VTI1A: variants seen among roughly 807,000 people sequenced by gnomAD.
VTI1A encodes the protein vesicle transport through interaction with t-SNAREs homolog 1A.
VTI1A carries 22 observed loss-of-function variants against 34.9 expected under a neutral mutation model. The ratio of observed to expected loss-of-function variants is 0.63; its 90% CI spans 0.45 to 0.90. VTI1A has a LOEUF of 0.90. Ranked by LOEUF, VTI1A falls within the 40% of genes least tolerant of loss-of-function variation. The pLI is 0.00. For synonymous variants in VTI1A, 87 were observed against 97.3 expected, an observed-to-expected ratio of 0.89 and a Z score of 0.62; for missense variants, 268 against 275.6, an observed-to-expected ratio of 0.97 and a Z score of 0.20.
At chr10:112,832,517 A>C in the VTI1A span, 1 of 152,406 alleles carries the variant, frequency 6.6e-6, no homozygotes, top group South Asian at 2.1e-4. Flanking sequence ...CATCCACATC[A>C]GACTTACTTC....
intron 4 of VTI1A, among the ~76,000 whole-genome samples, chr10:112,536,630 T>C (rs924724665): frequency 6.6e-6 from 1 of 152,002 alleles, no homozygotes; most frequent in East Asian, 1.9e-4. Flanking sequence ...TCTCTTAATA[T>C]CTCTGCTGTA....
chr10:112,814,636 G>A (rs879065409), intron 7 of VTI1A, among the ~76,000 whole-genome samples: 1 of 152,168 alleles, frequency 6.6e-6, no homozygotes, highest in Non-Finnish European at 1.5e-5. Context: ...CCCAGCAACA[G>A]ACGCACAACA....
At chr10:112,561,061 T>G (rs1392021549) in intron 5 of VTI1A, among the ~76,000 whole-genome samples, 1 of 152,160 alleles carries the variant, frequency 6.6e-6, no homozygotes, top group African/African-American at 2.4e-5. Context: ...ATTCAAGTGG[T>G]TCTCTCAAAA....
chr10:112,815,139 G>GCGCGCGCACA (rs879013051), intron 7 of VTI1A, 151 bp from the exon 8 acceptor site: 2 of 179,040 alleles, frequency 1.1e-5, no homozygotes, highest in Admixed American at 7.8e-5. Flanking sequence ...TTTCGCGCGC[G>GCGCGCGCACA]CACACACACA....
chr10:112,824,993 A>T, the VTI1A span: 2 of 152,270 alleles, frequency 1.3e-5, no homozygotes, highest in Admixed American at 6.5e-5. Context: ...TCCAGGATGC[A>T]GGGCTGGTGT....
chr10:112,531,101 ACACGTGCG>A (rs1171455230), intron 4 of VTI1A, among the ~76,000 whole-genome samples: 1 of 143,612 alleles, frequency 7.0e-6, no homozygotes, highest in South Asian at 2.3e-4. Flanking sequence ...ACACACACAC[ACACGTGCG>A]CACGTGCGCG....
At position 112,815,902 on chromosome 10, in the gene VTI1A, A is replaced by T; in HGVS notation, c.*519A>T. Reference sequence around the variant, plus strand: ...ATGAATATAGTCATCAACCTGCCTGAGTGCTTTCATTGTAAAGGTCGGTAT... The same window carrying T: ...ATGAATATAGTCATCAACCTGCCTGTGTGCTTTCATTGTAAAGGTCGGTAT... On this transcript the variant is annotated 3_prime_UTR_variant, in exon 8 of 8. Transcript: ENST00000393077. 1 of 231,690 alleles carries T rather than the reference A, an allele frequency of 4.3e-6. No individual in the cohort carries two copies. Among genetic ancestry groups the T allele is most frequent in the Non-Finnish European group, 8.5e-6 (1 of 117,096 alleles). 14.4% of individuals were successfully genotyped at this position (231,690 alleles called of 1,614,324 possible). A position where few individuals can be genotyped will look rare whatever the true frequency, so the allele number is the denominator to read the frequency against.
intron 5 of VTI1A, among the ~76,000 whole-genome samples, chr10:112,644,204 T>C (rs1846687699): frequency 6.6e-6 from 1 of 152,142 alleles, no homozygotes; most frequent in Admixed American, 6.5e-5. Flanking sequence ...TAAGTAGGAG[T>C]ATTTTAATTC....
At chr10:112,464,331 GCA>G (rs1357585228) in intron 2 of VTI1A, among the ~76,000 whole-genome samples, 5 of 152,368 alleles carry the variant, frequency 3.3e-5, no homozygotes, top group South Asian at 2.1e-4. Flanking sequence ...ATGTACTTGA[GCA>G]CAGTGTGTGT....
chr10:112,697,227 T>C (rs1233767123), intron 7 of VTI1A, among the ~76,000 whole-genome samples: 1 of 151,030 alleles, frequency 6.6e-6, no homozygotes, highest in Non-Finnish European at 1.5e-5. Context: ...AGGGTCTTGC[T>C]CTGTTACCCA....
chr10:112,547,895 A>G (rs1851195375), intron 5 of VTI1A, among the ~76,000 whole-genome samples: 1 of 152,062 alleles, frequency 6.6e-6, no homozygotes, highest in Admixed American at 6.5e-5. Context: ...ATTTTTGAAG[A>G]AAAGCAATCA....
chr10:112,744,519 AC>A (rs1590142585), intron 7 of VTI1A, among the ~76,000 whole-genome samples: 1 of 137,388 alleles, frequency 7.3e-6, no homozygotes, highest in African/African-American at 2.9e-5. Flanking sequence ...ACCATGGCTC[AC>A]TGTAGCCTTG....
At chr10:112,677,803 T>G (rs1848083366) in intron 7 of VTI1A, 1 of 152,264 alleles carries the variant, frequency 6.6e-6, no homozygotes, top group Non-Finnish European at 1.5e-5. Context: ...CGCAGCACAT[T>G]GCTGTCCCCA....
At chr10:112,821,489 G>A (rs1048739072), downstream of VTI1A, among the ~76,000 whole-genome samples, 12 of 152,108 alleles carry the variant, frequency 7.9e-5, no homozygotes, top group African/African-American at 1.9e-4. Context: ...ATGTTTTTTC[G>A]TGACGAGGCC....
chr10:112,742,840 A>T (rs896697754), intron 7 of VTI1A, among the ~76,000 whole-genome samples: 2 of 152,360 alleles, frequency 1.3e-5, no homozygotes, highest in East Asian at 3.9e-4. Context: ...ACAAAAAGCT[A>T]TGATAAATGA....
chr10:112,530,230 G>A (rs1850370045), intron 4 of VTI1A, among the ~76,000 whole-genome samples: 2 of 152,012 alleles, frequency 1.3e-5, no homozygotes, highest in South Asian at 4.1e-4. Flanking sequence ...GTACATTTGA[G>A]TACTTTTGGG....
chr10:112,573,278 A>T (rs538605398), intron 5 of VTI1A, among the ~76,000 whole-genome samples: 98 of 152,238 alleles, frequency 6.4e-4, no homozygotes, highest in African/African-American at 2.1e-3. Flanking sequence ...CTGCTCTATT[A>T]TCCGAAATAA....
intron 3 of VTI1A, among the ~76,000 whole-genome samples, chr10:112,517,320 A>C (rs1049674899): frequency 3.3e-5 from 5 of 152,114 alleles, no homozygotes; most frequent in African/African-American, 1.2e-4. Flanking sequence ...CAATCTGAGC[A>C]ACAAAAGAAA....
intron 5 of VTI1A, among the ~76,000 whole-genome samples, chr10:112,579,829 C>T (rs1431368081): frequency 6.6e-6 from 1 of 152,074 alleles, no homozygotes; most frequent in Non-Finnish European, 1.5e-5. Context: ...AGTGCAGCAT[C>T]ATGGAAGCTA....
Sources: gnomAD v4.1 joint callset for allele counts (sites outside exome capture counted in the v4.1 genomes callset) on GRCh38, gnomAD v4.1.1 for gene constraint, MANE v1.5 for transcripts, NCBI Gene and HGNC (gene_info 2026-07-23, HGNC 2026-07-21) for gene names.